BCR: variants seen among roughly 807,000 people sequenced by gnomAD.
BCR encodes the protein breakpoint cluster region protein.
Under a neutral mutation model 138.6 loss-of-function variants are expected in BCR, and 58 were observed. The observed-to-expected ratio is 0.42, with a 90% CI of 0.34 to 0.52. BCR has a LOEUF of 0.52. BCR is among the 20% of genes least tolerant of loss of function. The probability of loss-of-function intolerance (pLI) is 0.06; values close to 1 mark genes in which losing one functional copy is unlikely to be tolerated. For missense variants in BCR, 1,599 were observed against 1,727.2 expected, an observed-to-expected ratio of 0.93 and a Z score of 1.32; for synonymous variants, 786 against 730.1, an observed-to-expected ratio of 1.08 and a Z score of -1.23.
Position 23,315,627 on chromosome 22 carries a change from CCA to C in BCR, c.*106_*107del. 2 of 1,088,908 alleles carry C rather than the reference CCA, an allele frequency of 1.8e-6. No individual in the cohort carries two copies. The highest frequency in any genetic ancestry group is 2.8e-6 in the Non-Finnish European group (2 of 721,894). 67.5% of individuals were successfully genotyped at this position (1,088,908 alleles called of 1,614,324 possible). On this transcript the variant is annotated 3_prime_UTR_variant, in exon 23 of 23. Coordinates refer to ENST00000305877, the MANE Select transcript of BCR (RefSeq NM_004327.4). ...TTCCTGAGGTGTCCTTGGGCCACCC[CCA>C]AGTGTTGGGCCATCTGCCAAGAGAC...
intron 1 of BCR, among the ~76,000 whole-genome samples, chr22:23,231,397 T>G (rs1227891816): frequency 1.3e-5 from 2 of 151,872 alleles, no homozygotes; most frequent in Admixed American, 1.3e-4. Context: ...TCCCAGCTAT[T>G]CAGGAGGCTG....
intron 1 of BCR, among the ~76,000 whole-genome samples, chr22:23,243,226 ATAGCTGT>A (rs1490392429): frequency 3.9e-5 from 6 of 152,064 alleles, no homozygotes; most frequent in African/African-American, 1.4e-4. Flanking sequence ...GGGCCCCTAG[ATAGCTGT>A]GGGACGGGGC....
chr22:23,263,305 G>T, intron 4 of BCR: 1 of 1,152,552 alleles, frequency 8.7e-7, no homozygotes, highest in Non-Finnish European at 1.3e-6. Context: ...CGCTGGCTGT[G>T]GCACTTCACC....
At chr22:23,211,441 G>A (rs373786267) in intron 1 of BCR, among the ~76,000 whole-genome samples, 8 of 151,492 alleles carry the variant, frequency 5.3e-5, no homozygotes, top group Admixed American at 1.3e-4. Context: ...CTCGTGATCC[G>A]CCTGCCTTGG....
At chr22:23,187,184 T>G (rs935789313) in intron 1 of BCR, among the ~76,000 whole-genome samples, 7 of 152,222 alleles carry the variant, frequency 4.6e-5, no homozygotes, top group African/African-American at 1.7e-4. Context: ...TTACTGATCA[T>G]TGGAAAGTGA....
chr22:23,236,348 T>C (rs754333670), intron 1 of BCR, among the ~76,000 whole-genome samples: 2 of 152,182 alleles, frequency 1.3e-5, no homozygotes, highest in African/African-American at 2.4e-5. Context: ...CGCCAGGGGA[T>C]GTTTGTCTGC....
chr22:23,206,450 A>G (rs1041695344), intron 1 of BCR, among the ~76,000 whole-genome samples: 18 of 151,822 alleles, frequency 1.2e-4, no homozygotes, highest in South Asian at 2.1e-4. Context: ...GGTGGCGGGC[A>G]CCTGTAATCC....
At chr22:23,287,062 G>A (rs1040677198) in intron 10 of BCR, 97 bp from the exon 11 acceptor site, 85 of 1,539,046 alleles carry the variant, frequency 5.5e-5, no homozygotes, top group Middle Eastern at 5.1e-4. Context: ...CTTGCCCTCT[G>A]CAGGCTGAAT....
At chr22:23,293,906 C>T (rs1335751446) in intron 15 of BCR, among the ~76,000 whole-genome samples, 2 of 152,010 alleles carry the variant, frequency 1.3e-5, no homozygotes, top group African/African-American at 4.8e-5. Context: ...GCACACGCCT[C>T]GGTGTGAAGC....
At chr22:23,266,163 C>T (rs375174706) in intron 4 of BCR, among the ~76,000 whole-genome samples, 19 of 152,220 alleles carry the variant, frequency 1.2e-4, no homozygotes, top group African/African-American at 4.6e-4. Flanking sequence ...TGTCTCACTG[C>T]AACCTCTGCC....
intron 19 of BCR, 146 bp downstream of exon 19, chr22:23,311,982 AGAC>A: frequency 7.1e-7 from 1 of 1,411,638 alleles, no homozygotes; most frequent in East Asian, 2.5e-5. Flanking sequence ...AAAAAAGAGA[AGAC>A]AAGAGTTGTA....
chr22:23,297,214 G>GTTTTTT (rs200181094), intron 16 of BCR, among the ~76,000 whole-genome samples: 1 of 85,560 alleles, frequency 1.2e-5, no homozygotes, highest in African/African-American at 4.9e-5. Flanking sequence ...GTTGTTTTTT[G>GTTTTTT]TTTTTTGTTT....
At chr22:23,295,183 G>T (rs1411236557) in intron 16 of BCR, 28 bp downstream of exon 16, 1 of 1,562,256 alleles carries the variant, frequency 6.4e-7, no homozygotes, top group Non-Finnish European at 8.7e-7. Flanking sequence ...ACCCTCCCCT[G>T]CCCGATGCAT....
At chr22:23,203,403 C>T (rs559366210) in intron 1 of BCR, among the ~76,000 whole-genome samples, 1 of 152,192 alleles carries the variant, frequency 6.6e-6, no homozygotes, top group Non-Finnish European at 1.5e-5. Flanking sequence ...GGTGCTAAAA[C>T]GTCTGAGCTG....
chr22:23,287,413 G>T (rs759248991), intron 11 of BCR, 135 bp downstream of exon 11: 4 of 1,356,734 alleles, frequency 2.9e-6, no homozygotes, highest in Non-Finnish European at 3.9e-6. Flanking sequence ...ATGCAAGCAC[G>T]CACATTCCTT....
Position 23,300,246 on chromosome 22 carries a change from C to A in BCR, c.3012+5091C>A, listed in dbSNP as rs370549494. ...CCCCAGCTCCTGTTAACCTCTAGTC[C>A]ACTTTCTGCCTCTGTGGATTTGCCT... is the stretch of plus-strand genomic sequence containing the variant. On this transcript the variant is annotated intron_variant, in intron 16 of 22. Coordinates refer to ENST00000305877, the MANE Select transcript of BCR (RefSeq NM_004327.4). Among the ~76,000 whole-genome samples the A allele has an allele frequency of 5.3e-5, 8 of 152,294 alleles. No homozygotes were observed. In the East Asian group the frequency reaches 7.7e-4, roughly 15 times the overall value.
At chr22:23,263,232 C>T in intron 4 of BCR, 1 of 1,012,948 alleles carries the variant, frequency 9.9e-7, no homozygotes, top group Non-Finnish European at 1.4e-6. Flanking sequence ...GCCGGAAGTG[C>T]TGCTGCTGCA....
At chr22:23,274,342 G>A (rs1156734486) in intron 8 of BCR, among the ~76,000 whole-genome samples, 1 of 152,226 alleles carries the variant, frequency 6.6e-6, no homozygotes, top group African/African-American at 2.4e-5. Context: ...CATCATCGAT[G>A]AGCAGGCATG....
intron 1 of BCR, among the ~76,000 whole-genome samples, chr22:23,232,433 G>A (rs1199202859): frequency 6.6e-6 from 1 of 152,234 alleles, no homozygotes; most frequent in East Asian, 1.9e-4. Flanking sequence ...GGAGCCAGCA[G>A]CACTACTGGC....
Sources: allele counts gnomAD v4.1 joint callset (sites outside exome capture counted in the v4.1 genomes callset), GRCh38; gene constraint gnomAD v4.1.1; transcripts MANE v1.5; gene names NCBI Gene and HGNC (gene_info 2026-07-23, HGNC 2026-07-21).